The following PIWIL1 variants were observed in gnomAD, a reference collection of about 807,000 sequenced individuals.
PIWIL1 encodes piwi-like protein 1.
A neutral mutation model predicts 114.4 loss-of-function variants in PIWIL1; 73 were observed. That is an observed-to-expected ratio of 0.64 (90% CI 0.53 to 0.78). The LOEUF (loss-of-function observed/expected upper bound fraction) is 0.78. Ranked by LOEUF, PIWIL1 falls within the 30% of genes least tolerant of loss-of-function variation. The probability of loss-of-function intolerance (pLI) is 0.00; values close to 1 mark genes in which losing one functional copy is unlikely to be tolerated. For missense variants in PIWIL1, 723 were observed against 1,063.1 expected, an observed-to-expected ratio of 0.68 and a Z score of 4.45; for synonymous variants, 375 against 369.0, an observed-to-expected ratio of 1.02 and a Z score of -0.19.
At chr12:130,349,063 A>T (rs575172065) in intron 7 of PIWIL1, among the ~76,000 whole-genome samples, 176 bp from the exon 8 acceptor site, 1 of 152,238 alleles carries the variant, frequency 6.6e-6, no homozygotes, top group Non-Finnish European at 1.5e-5. Context: ...TACAATTATT[A>T]TAATGTTGTT....
intron 18 of PIWIL1, among the ~76,000 whole-genome samples, chr12:130,365,181 C>T (rs542833134): frequency 3.9e-5 from 6 of 152,298 alleles, no homozygotes; most frequent in Admixed American, 3.3e-4. Context: ...GAACCTAAGT[C>T]GACTGCTTGG....
chr12:130,416,951 T>TA, the PIWIL1 span, among the ~76,000 whole-genome samples: 3 of 151,332 alleles, frequency 2.0e-5, no homozygotes, highest in East Asian at 5.8e-4. Flanking sequence ...AAAATATAAA[T>TA]AAAAAATATA....
At chr12:130,399,933 G>A in the PIWIL1 span, 1 of 1,166,928 alleles carries the variant, frequency 8.6e-7, no homozygotes, top group Non-Finnish European at 1.2e-6. Context: ...TGGTTCAAAA[G>A]TGGCAGGACT....
chr12:130,388,838 G>A, the PIWIL1 span, among the ~76,000 whole-genome samples: 1 of 152,012 alleles, frequency 6.6e-6, no homozygotes, highest in African/African-American at 2.4e-5. Flanking sequence ...AGTATTTTGT[G>A]TTTTCTATGT....
the PIWIL1 span, chr12:130,398,678 A>C: frequency 6.6e-6 from 1 of 152,570 alleles, no homozygotes; most frequent in African/African-American, 2.4e-5. Context: ...TTCAGAGCCA[A>C]CACTCGATCA....
intron 14 of PIWIL1, among the ~76,000 whole-genome samples, chr12:130,359,636 AGTTG>A (rs2073456959): frequency 6.6e-6 from 1 of 152,140 alleles, no homozygotes; most frequent in African/African-American, 2.4e-5. Flanking sequence ...TTTTTAGCAG[AGTTG>A]GTTGGTTATT....
chr12:130,401,385 G>T, the PIWIL1 span, among the ~76,000 whole-genome samples: 1 of 152,168 alleles, frequency 6.6e-6, no homozygotes, highest in South Asian at 2.1e-4. Context: ...CAAAGTGCTG[G>T]GATTACAGGC....
At chr12:130,381,677 A>G in the PIWIL1 span, among the ~76,000 whole-genome samples, 3 of 152,212 alleles carry the variant, frequency 2.0e-5, no homozygotes, top group Non-Finnish European at 4.4e-5. Flanking sequence ...TTGGGTAAAT[A>G]CCAAGCAGTG....
downstream of PIWIL1, among the ~76,000 whole-genome samples, chr12:130,377,540 G>A (rs552159003): frequency 8.5e-5 from 13 of 152,354 alleles, no homozygotes; most frequent in South Asian, 6.2e-4. Context: ...AAAGCAACCC[G>A]GCTTTTGAGA....
the PIWIL1 span, among the ~76,000 whole-genome samples, chr12:130,403,121 C>T: frequency 1.3e-5 from 2 of 152,254 alleles, no homozygotes; most frequent in African/African-American, 2.4e-5. Context: ...TATTTGAATT[C>T]GCTCTCTCGA....
At chr12:130,385,272 A>G in the PIWIL1 span, among the ~76,000 whole-genome samples, 1 of 152,342 alleles carries the variant, frequency 6.6e-6, no homozygotes, top group Admixed American at 6.5e-5. Flanking sequence ...TGGAATTTAA[A>G]GTGTTTTGTG....
chr12:130,395,827 C>CATTA, the PIWIL1 span, among the ~76,000 whole-genome samples: 2 of 152,190 alleles, frequency 1.3e-5, no homozygotes, highest in African/African-American at 2.4e-5. Context: ...TGTAGCCGTT[C>CATTA]ATTAATTTCA....
intron 12 of PIWIL1, 131 bp downstream of exon 12, chr12:130,355,798 A>G: frequency 1.5e-6 from 1 of 679,836 alleles, no homozygotes; most frequent in East Asian, 2.6e-5. Context: ...AAAGTTGACA[A>G]TCAAGTGAGG....
the PIWIL1 span, among the ~76,000 whole-genome samples, chr12:130,402,791 C>A: frequency 1.3e-5 from 2 of 152,218 alleles, no homozygotes; most frequent in East Asian, 3.9e-4. Context: ...TTTGCACACT[C>A]CTCTGGATTA....
the PIWIL1 span, chr12:130,412,843 A>G: frequency 6.6e-7 from 1 of 1,504,430 alleles, no homozygotes; most frequent in African/African-American, 1.4e-5. Flanking sequence ...TCAGAAATAC[A>G]ATAGTCCCAC....
intron 1 of PIWIL1, among the ~76,000 whole-genome samples, chr12:130,338,541 C>CTG (rs2072784643): frequency 5.0e-5 from 1 of 19,924 alleles, no homozygotes; most frequent in Non-Finnish European, 1.2e-4. Context: ...ATGCAGAAGC[C>CTG]GGGTGCGGGG....
chr12:130,347,141 C>G, intron 6 of PIWIL1, 79 bp downstream of exon 6: 1 of 1,067,856 alleles, frequency 9.4e-7, no homozygotes, highest in South Asian at 1.5e-5. Context: ...GCATTCAGTT[C>G]TCCTAGATTT....
intron 16 of PIWIL1, 29 bp downstream of exon 16, chr12:130,361,630 C>T: frequency 6.5e-7 from 1 of 1,546,360 alleles, no homozygotes; most frequent in Non-Finnish European, 8.9e-7. Flanking sequence ...CTGTGGGTGG[C>T]AGTGAGGACA....
the PIWIL1 span, among the ~76,000 whole-genome samples, chr12:130,403,519 G>T: frequency 6.6e-6 from 1 of 152,132 alleles, no homozygotes; most frequent in Admixed American, 6.6e-5. Context: ...CTGAAGATAT[G>T]TAGATTGTTA....
Sources: allele counts gnomAD v4.1 joint callset (sites outside exome capture counted in the v4.1 genomes callset), GRCh38; gene constraint gnomAD v4.1.1; transcripts MANE v1.5; gene names NCBI Gene and HGNC (gene_info 2026-07-23, HGNC 2026-07-21).